The following MYO16 variants were observed in gnomAD, a reference collection of about 807,000 sequenced individuals.
MYO16 encodes unconventional myosin-XVI.
In MYO16, 94 loss-of-function variants were observed where a neutral mutation model predicts 205.3. The ratio of observed to expected loss-of-function variants is 0.46; its 90% CI spans 0.39 to 0.54. MYO16 has a LOEUF of 0.54. Ranked by LOEUF, MYO16 falls within the 20% of genes least tolerant of loss-of-function variation. The pLI is 0.00. For missense variants in MYO16, 2,315 were observed against 2,387.5 expected (o/e 0.97, Z 0.63); for synonymous variants, 988 against 954.0 (o/e 1.04, Z -0.66).
intron 20 of MYO16, among the ~76,000 whole-genome samples, chr13:108,983,341 G>A (rs947911800): frequency 3.4e-4 from 52 of 152,238 alleles, no homozygotes; most frequent in African/African-American, 1.1e-3. Context: ...CCCCAGGACA[G>A]TGTTTCCCAG....
rs180885880 is a variant in MYO16, at chr13:108,785,171, A to G, written c.508-464A>G. 2.3e-4 allele frequency among the ~76,000 whole-genome samples: 35 copies of G among 152,298 alleles called. No homozygotes were observed. In the East Asian group the frequency reaches 5.0e-3, roughly 22 times the overall value. On this transcript the variant is annotated intron_variant, in intron 4 of 34. Coordinates refer to ENST00000457511, the MANE Select transcript of MYO16 (RefSeq NM_001198950.3). The stretch of plus-strand genomic sequence containing the variant: ...GTCGTAGTGTGAGAAGAGCTCCCAG[A>G]TGAGTTTCTGTGGAGAAAAAGGAGG...
At chr13:108,550,599 G>A in the MYO16 span, among the ~76,000 whole-genome samples, 1 of 152,174 alleles carries the variant, frequency 6.6e-6, no homozygotes, top group East Asian at 1.9e-4. Context: ...GGAATGATTT[G>A]TAGCACTTTG....
chr13:109,007,854 G>A (rs1011254932), intron 21 of MYO16, among the ~76,000 whole-genome samples: 1 of 152,046 alleles, frequency 6.6e-6, no homozygotes. Context: ...TACTATTTCT[G>A]AAAGAACCCC....
At chr13:109,168,186 A>G (rs932958762) in intron 33 of MYO16, among the ~76,000 whole-genome samples, 3 of 152,250 alleles carry the variant, frequency 2.0e-5, no homozygotes, top group East Asian at 3.9e-4. Flanking sequence ...AAGTTCTGAG[A>G]CAGTAGATAT....
At chr13:108,541,263 A>G in the MYO16 span, among the ~76,000 whole-genome samples, 8 of 151,844 alleles carry the variant, frequency 5.3e-5, no homozygotes, top group South Asian at 4.1e-4. Flanking sequence ...CTTATATATT[A>G]CATTATACAT....
rs150794092 is a variant in MYO16 at position 109,169,100 on chromosome 13, A to T, written c.5323+4041A>T. ...CAAGTGTACACGTTATTTAGCTCCC[A>T]CTTATAAGTGAGAACATGTAGCATT... On this transcript the variant is annotated intron_variant, in intron 33 of 34. Transcript: ENST00000457511. 3.3e-5 allele frequency among the ~76,000 whole-genome samples: 5 copies of T among 152,212 alleles called. No individual in the cohort carries two copies. The East Asian group carries it at 9.6e-4, about 29-fold the overall frequency.
chr13:108,626,658 G>A, upstream of MYO16, among the ~76,000 whole-genome samples: 1 of 151,778 alleles, frequency 6.6e-6, no homozygotes. Flanking sequence ...ACAAAAATTA[G>A]CTGGGCATGG....
rs1018493987 is a variant in MYO16 at position 109,190,194 on chromosome 13, T to C, written c.5415+10561T>C. The stretch of plus-strand genomic sequence containing the variant: ...CTGCCATAAAGATATTATCCTATTA[T>C]ATTTTTGTAAAGTTTAGGTTTGTTT... On this transcript the variant is annotated intron_variant, in intron 34 of 34. Coordinates refer to ENST00000457511, the MANE Select transcript of MYO16 (RefSeq NM_001198950.3). Among the ~76,000 whole-genome samples the C allele has an allele frequency of 2.6e-5, 4 of 152,234 alleles. No homozygotes were observed. The South Asian group carries it at 8.3e-4, about 31-fold the overall frequency.
At chr13:108,893,068 G>A (rs7324816) in intron 14 of MYO16, among the ~76,000 whole-genome samples, 10,632 of 152,128 alleles carry the variant, frequency 0.07, 499 homozygotes, top group Middle Eastern at 0.2. Context: ...TATTGCCCAG[G>A]TTTGAGCATG....
chr13:108,683,996 C>T (rs1438297484), intron 2 of MYO16, among the ~76,000 whole-genome samples: 3 of 152,210 alleles, frequency 2.0e-5, no homozygotes, highest in Admixed American at 6.5e-5. Flanking sequence ...CTACCTCAGC[C>T]TCCTGAGTAG....
At chr13:108,528,084 A>G in the MYO16 span, among the ~76,000 whole-genome samples, 22 of 152,342 alleles carry the variant, frequency 1.4e-4, no homozygotes, top group Non-Finnish European at 1.8e-4. Flanking sequence ...AAACATGAGG[A>G]AGTAAGATTA....
intron 31 of MYO16, among the ~76,000 whole-genome samples, chr13:109,139,961 G>A (rs551412012): frequency 6.6e-6 from 1 of 152,022 alleles, no homozygotes; most frequent in East Asian, 1.9e-4. Context: ...CAAGGGGGGT[G>A]GGTGGGTAGC....
At chr13:108,574,916 T>C in the MYO16 span, among the ~76,000 whole-genome samples, 163 of 152,146 alleles carry the variant, frequency 1.1e-3, no homozygotes, top group African/African-American at 3.7e-3. Flanking sequence ...CCAGTGTGAC[T>C]AGTTCTAGTA....
intron 4 of MYO16, among the ~76,000 whole-genome samples, chr13:108,731,532 A>AG (rs1448503048): frequency 6.6e-6 from 1 of 152,172 alleles, no homozygotes; most frequent in African/African-American, 2.4e-5. Flanking sequence ...AACAGAATTG[A>AG]GGGGGAAAAA....
At chr13:108,980,291 G>C (rs1317275327) in intron 20 of MYO16, among the ~76,000 whole-genome samples, 1 of 152,136 alleles carries the variant, frequency 6.6e-6, no homozygotes, top group African/African-American at 2.4e-5. Flanking sequence ...GCTAAAGCTT[G>C]TATATTTTAT....
intron 16 of MYO16, among the ~76,000 whole-genome samples, chr13:108,936,171 C>A (rs1282644274): frequency 6.9e-6 from 1 of 145,266 alleles, no homozygotes; most frequent in African/African-American, 2.5e-5. Flanking sequence ...CTCTCTCTTT[C>A]TCTTTCTTTC....
At chr13:108,624,318 A>T (rs1382444899) in intron 1 of MYO16, among the ~76,000 whole-genome samples, 2 of 151,770 alleles carry the variant, frequency 1.3e-5, no homozygotes, top group East Asian at 1.9e-4. Flanking sequence ...TCATCAATAA[A>T]TTTTTTTTTA....
chr13:108,860,715 A>G (rs1878410925), intron 11 of MYO16, among the ~76,000 whole-genome samples: 1 of 152,168 alleles, frequency 6.6e-6, no homozygotes. Flanking sequence ...TCTTCAATAA[A>G]TGGTGCTGGG....
At chr13:108,692,128 A>G (rs2139496853) in intron 2 of MYO16, among the ~76,000 whole-genome samples, 1 of 152,370 alleles carries the variant, frequency 6.6e-6, no homozygotes, top group South Asian at 2.1e-4. Flanking sequence ...TTAGAAAAAG[A>G]CATCATGAAT....
Sources: allele counts gnomAD v4.1 joint callset (sites outside exome capture counted in the v4.1 genomes callset), GRCh38; gene constraint gnomAD v4.1.1; transcripts MANE v1.5; gene names NCBI Gene and HGNC (gene_info 2026-07-23, HGNC 2026-07-21).